The following PTPRT variants were observed in gnomAD, a reference collection of about 807,000 sequenced individuals.
PTPRT encodes protein tyrosine phosphatase receptor type T, also known as receptor-type tyrosine-protein phosphatase T.
Under a neutral mutation model 176.8 loss-of-function variants are expected in PTPRT, and 56 were observed. The ratio of observed to expected loss-of-function variants is 0.32; its 90% confidence interval spans 0.26 to 0.40. The LOEUF (loss-of-function observed/expected upper bound fraction) is 0.40, where lower values mean the gene tolerates loss of function less well. Ranked by LOEUF, PTPRT falls within the 10% of genes least tolerant of loss-of-function variation. The pLI, the probability that PTPRT is intolerant of heterozygous loss-of-function variation, is 1.00. For missense variants in PTPRT, 1,540 were observed against 1,908.2 expected (o/e 0.81, Z 3.60); for synonymous variants, 783 against 739.0 (o/e 1.06, Z -0.96).
intron 2 of PTPRT, among the ~76,000 whole-genome samples, chr20:42,859,970 A>G (rs2078633832): frequency 6.6e-6 from 1 of 152,084 alleles, no homozygotes; most frequent in Non-Finnish European, 1.5e-5. Context: ...CTGTACCTTC[A>G]ATGGTATCAT....
chr20:43,011,327 T>G (rs1238737360), intron 1 of PTPRT, among the ~76,000 whole-genome samples: 1 of 151,240 alleles, frequency 6.6e-6, no homozygotes, highest in Admixed American at 6.6e-5. Flanking sequence ...ACTTCACCAG[T>G]CTTACATGTC....
intron 27 of PTPRT, among the ~76,000 whole-genome samples, chr20:42,090,528 A>G (rs761607608): frequency 3.9e-5 from 6 of 152,182 alleles, no homozygotes; most frequent in Admixed American, 1.3e-4. Flanking sequence ...GAAATATGCC[A>G]TAAACTCATA....
intron 7 of PTPRT, among the ~76,000 whole-genome samples, chr20:42,551,948 A>G (rs952896007): frequency 2.6e-5 from 4 of 152,134 alleles, no homozygotes; most frequent in Admixed American, 2.6e-4. Flanking sequence ...TCAAACTTTC[A>G]TTACCACCTA....
At position 43,083,320 on chromosome 20, in the gene PTPRT, G is replaced by GTATA. The variant is rs779087395; in HGVS notation, c.88+106322_88+106325dup. The stretch of plus-strand genomic sequence containing the variant: ...ACCATAAGATTCACCCACTTCAAAT[G>GTATA]TATATATATATATATATATATATAT... On this transcript the variant is annotated intron_variant, in intron 1 of 30. Transcript: ENST00000373187. Among the ~76,000 whole-genome samples the GTATA allele has an allele frequency of 1.2e-3, 43 of 37,360 alleles. 1 individual carries two copies. Among genetic ancestry groups the GTATA allele is most frequent in the Non-Finnish European group, 2.0e-3 (28 of 14,294 alleles). The allele number at this position is 37,360 out of a possible 152,430, so 24.5% of individuals were successfully genotyped here.
At chr20:43,160,201 T>A (rs1328872580) in intron 1 of PTPRT, among the ~76,000 whole-genome samples, 1 of 152,082 alleles carries the variant, frequency 6.6e-6, no homozygotes, top group Non-Finnish European at 1.5e-5. Context: ...CCACAACGGC[T>A]ATTTGTTTGG....
At chr20:42,104,437 T>G in intron 25 of PTPRT, 132 bp downstream of exon 25, 1 of 1,048,410 alleles carries the variant, frequency 9.5e-7, no homozygotes, top group Non-Finnish European at 1.3e-6. Context: ...ACTGGAAGCT[T>G]GATGCTGGGC....
intron 1 of PTPRT, among the ~76,000 whole-genome samples, chr20:42,994,330 C>T (rs1303418931): frequency 6.6e-6 from 1 of 152,132 alleles, no homozygotes; most frequent in Non-Finnish European, 1.5e-5. Context: ...GTCAATATGA[C>T]AAGTTAGAAG....
At chr20:42,894,717 G>C (rs995108222) in intron 1 of PTPRT, among the ~76,000 whole-genome samples, 1 of 152,200 alleles carries the variant, frequency 6.6e-6, no homozygotes, top group Non-Finnish European at 1.5e-5. Flanking sequence ...CCCAATCCCT[G>C]TAAAATGGCA....
chr20:42,446,231 T>C (rs2070730565), intron 9 of PTPRT, among the ~76,000 whole-genome samples: 1 of 152,148 alleles, frequency 6.6e-6, no homozygotes, highest in East Asian at 1.9e-4. Flanking sequence ...TTGCCATCAA[T>C]CCAGTGCAAA....
intron 27 of PTPRT, among the ~76,000 whole-genome samples, chr20:42,093,078 G>A (rs1201272857): frequency 6.6e-6 from 1 of 152,170 alleles, no homozygotes; most frequent in Non-Finnish European, 1.5e-5. Flanking sequence ...TCTCTGGTGG[G>A]GCCACGATTC....
intron 1 of PTPRT, among the ~76,000 whole-genome samples, chr20:43,168,029 C>T (rs1488703609): frequency 2.6e-5 from 4 of 152,200 alleles, no homozygotes; most frequent in Admixed American, 6.5e-5. Flanking sequence ...TAATTGGTCA[C>T]GCAGCAACAG....
intron 7 of PTPRT, among the ~76,000 whole-genome samples, chr20:42,535,961 A>G (rs1235128668): frequency 6.6e-6 from 1 of 152,176 alleles, no homozygotes; most frequent in Non-Finnish European, 1.5e-5. Flanking sequence ...GCATATACAG[A>G]TAACTACCCT....
At chr20:43,088,333 G>GGTGTGTGT (rs67837016) in intron 1 of PTPRT, among the ~76,000 whole-genome samples, 191 of 142,840 alleles carry the variant, frequency 1.3e-3, no homozygotes, top group South Asian at 2.5e-3. Context: ...TTTGCTTTGG[G>GGTGTGTGT]GTGTGTGTGT....
chr20:43,092,126 C>A (rs1435191906), intron 1 of PTPRT, among the ~76,000 whole-genome samples: 1 of 152,280 alleles, frequency 6.6e-6, no homozygotes, highest in East Asian at 1.9e-4. Context: ...GGAAGTGATT[C>A]CAAGTGACAG....
At chr20:42,143,268 G>T (rs1988710517) in intron 17 of PTPRT, among the ~76,000 whole-genome samples, 1 of 152,160 alleles carries the variant, frequency 6.6e-6, no homozygotes, top group Non-Finnish European at 1.5e-5. Flanking sequence ...AGAAAGTTGT[G>T]GCAGTGGCCA....
At chr20:42,761,689 C>T (rs1401159351) in intron 5 of PTPRT, among the ~76,000 whole-genome samples, 1 of 152,210 alleles carries the variant, frequency 6.6e-6, no homozygotes, top group African/African-American at 2.4e-5. Context: ...CTACAGCATA[C>T]AAACCACCTG....
intron 19 of PTPRT, among the ~76,000 whole-genome samples, chr20:42,122,817 G>C (rs775724224): frequency 1.3e-5 from 2 of 152,068 alleles, no homozygotes; most frequent in Non-Finnish European, 2.9e-5. Flanking sequence ...CCTTACCTTC[G>C]GACTAGTCAT....
At chr20:42,413,772 C>A (rs1208071519) in intron 9 of PTPRT, among the ~76,000 whole-genome samples, 1 of 152,182 alleles carries the variant, frequency 6.6e-6, no homozygotes, top group East Asian at 1.9e-4. Flanking sequence ...AACACCTCCA[C>A]AGAGAACTAG....
intron 7 of PTPRT, among the ~76,000 whole-genome samples, chr20:42,541,763 T>C (rs1218010099): frequency 6.6e-6 from 1 of 151,142 alleles, no homozygotes. Flanking sequence ...CCCAGTGTGA[T>C]ACAAAACCCA....
Sources: allele counts gnomAD v4.1 joint callset (sites outside exome capture counted in the v4.1 genomes callset), GRCh38; gene constraint gnomAD v4.1.1; transcripts MANE v1.5; gene names NCBI Gene and HGNC (gene_info 2026-07-23, HGNC 2026-07-21).